The following JAKMIP2 variants were observed in gnomAD, a reference collection of about 807,000 sequenced individuals.
The protein encoded by JAKMIP2 is janus kinase and microtubule interacting protein 2.
JAKMIP2 carries 25 observed loss-of-function variants against 115.0 expected under a neutral mutation model. The observed-to-expected ratio is 0.22, with a 90% CI of 0.16 to 0.30. The LOEUF is 0.30. JAKMIP2 is among the 10% of genes least tolerant of loss of function. The pLI, the probability that JAKMIP2 is intolerant of heterozygous loss-of-function variation, is 1.00. For synonymous variants in JAKMIP2, 334 were observed against 343.6 expected, an observed-to-expected ratio of 0.97 and a Z score of 0.31; for missense variants, 642 against 957.6, an observed-to-expected ratio of 0.67 and a Z score of 4.35.
chr5:147,680,443 T>C (rs1184245525), intron 1 of JAKMIP2, among the ~76,000 whole-genome samples: 1 of 152,228 alleles, frequency 6.6e-6, no homozygotes, highest in East Asian at 1.9e-4. Flanking sequence ...AGGTTTCCAA[T>C]ATGGCTGTTG....
Position 147,640,686 on chromosome 5 carries a change from A to G in JAKMIP2, c.1401+18T>C, listed in dbSNP as rs1379263634. On this transcript the variant is annotated intron_variant, in intron 9 of 21. Coordinates refer to ENST00000616793, the MANE Select transcript of JAKMIP2 (RefSeq NM_001270941.2). The stretch of plus-strand genomic sequence containing the variant: ...TGGTGACAATATCACCCTAGGCTAG[A>G]GAAGTAGAAAAGCTTACTTCATCCA... The G allele has an allele frequency of 1.9e-6, 3 of 1,612,648 alleles. No individual in the cohort carries two copies. The highest frequency in any genetic ancestry group is 2.5e-6 in the Non-Finnish European group (3 of 1,179,270).
At chr5:147,747,855 A>G (rs1754401354) in intron 1 of JAKMIP2, among the ~76,000 whole-genome samples, 1 of 152,112 alleles carries the variant, frequency 6.6e-6, no homozygotes, top group Non-Finnish European at 1.5e-5. Flanking sequence ...ATCTTTGCAT[A>G]AGCTATCTAC....
chr5:147,642,455 G>A (rs944318792), intron 7 of JAKMIP2, among the ~76,000 whole-genome samples: 5 of 152,144 alleles, frequency 3.3e-5, no homozygotes, highest in African/African-American at 1.2e-4. Flanking sequence ...ATTTAAACTA[G>A]ATAGAATGTC....
intron 1 of JAKMIP2, among the ~76,000 whole-genome samples, chr5:147,700,955 C>A (rs1220440080): frequency 6.6e-6 from 1 of 152,004 alleles, no homozygotes; most frequent in Non-Finnish European, 1.5e-5. Flanking sequence ...TGAGCATATT[C>A]ATTTGGTTGG....
At chr5:147,716,606 C>A (rs1198576378) in intron 1 of JAKMIP2, among the ~76,000 whole-genome samples, 3 of 152,038 alleles carry the variant, frequency 2.0e-5, no homozygotes, top group Non-Finnish European at 4.4e-5. Flanking sequence ...CGATGATGAG[C>A]ATTTTTTCAT....
At chr5:147,601,027 C>G (rs1236477517) in intron 21 of JAKMIP2, among the ~76,000 whole-genome samples, 1 of 152,140 alleles carries the variant, frequency 6.6e-6, no homozygotes, top group Non-Finnish European at 1.5e-5. Context: ...TCAGAATTTT[C>G]AAGCTGAACG....
chr5:147,691,366 C>T (rs995455432), intron 1 of JAKMIP2, among the ~76,000 whole-genome samples: 3 of 152,170 alleles, frequency 2.0e-5, no homozygotes, highest in African/African-American at 7.2e-5. Context: ...CCACCCAGCT[C>T]CTTCTGTTAC....
At chr5:147,777,385 C>T (rs574144617) in intron 1 of JAKMIP2, among the ~76,000 whole-genome samples, 45 of 152,154 alleles carry the variant, frequency 3.0e-4, no homozygotes, top group Non-Finnish European at 5.6e-4. Context: ...TTTGTTGACA[C>T]GGATAGATGG....
intron 8 of JAKMIP2, 28 bp downstream of exon 8, chr5:147,641,680 A>G (rs1302117017): frequency 6.5e-7 from 1 of 1,548,784 alleles, no homozygotes; most frequent in Admixed American, 1.7e-5. Context: ...TTTGTGGCAA[A>G]TGCCTGATAA....
At chr5:147,727,062 C>T (rs1753548870) in intron 1 of JAKMIP2, among the ~76,000 whole-genome samples, 1 of 152,188 alleles carries the variant, frequency 6.6e-6, no homozygotes, top group Admixed American at 6.5e-5. Flanking sequence ...TCCTTTCTGG[C>T]TTAATATCTG....
intron 1 of JAKMIP2, among the ~76,000 whole-genome samples, chr5:147,704,459 C>T (rs1752490771): frequency 6.6e-6 from 1 of 152,060 alleles, no homozygotes; most frequent in Non-Finnish European, 1.5e-5. Flanking sequence ...ACAGAAACAT[C>T]ATTTTGTGGG....
chr5:147,688,354 A>T (rs1760670684), intron 1 of JAKMIP2, among the ~76,000 whole-genome samples: 1 of 152,174 alleles, frequency 6.6e-6, no homozygotes, highest in East Asian at 1.9e-4. Flanking sequence ...CAGGCAAGGG[A>T]GTGCTTTAAT....
At chr5:147,606,671 C>A (rs1295754520) in intron 20 of JAKMIP2, among the ~76,000 whole-genome samples, 1 of 152,022 alleles carries the variant, frequency 6.6e-6, no homozygotes, top group African/African-American at 2.4e-5. Context: ...ATGGGCTCAT[C>A]TTTGGTTCCA....
At chr5:147,720,731 A>G (rs1362029899) in intron 1 of JAKMIP2, among the ~76,000 whole-genome samples, 2 of 149,130 alleles carry the variant, frequency 1.3e-5, no homozygotes, top group Admixed American at 6.6e-5. Flanking sequence ...TGTATTGGTT[A>G]TTCTAGTTAT....
At chr5:147,765,862 T>C (rs770962461) in intron 1 of JAKMIP2, among the ~76,000 whole-genome samples, 1 of 152,180 alleles carries the variant, frequency 6.6e-6, no homozygotes, top group East Asian at 1.9e-4. Context: ...TACATTTTCA[T>C]TGAATATATT....
chr5:147,674,077 C>T (rs995246324), intron 1 of JAKMIP2, among the ~76,000 whole-genome samples: 2 of 152,162 alleles, frequency 1.3e-5, no homozygotes, highest in African/African-American at 4.8e-5. Context: ...ATCTGATTGG[C>T]ATCTCAAAAC....
At chr5:147,749,317 T>C (rs556155044) in intron 1 of JAKMIP2, among the ~76,000 whole-genome samples, 1 of 152,292 alleles carries the variant, frequency 6.6e-6, no homozygotes, top group African/African-American at 2.4e-5. Flanking sequence ...TGCATTATCC[T>C]ACTTGATTCT....
chr5:147,678,190 G>T (rs902080091), intron 1 of JAKMIP2, among the ~76,000 whole-genome samples: 1 of 152,116 alleles, frequency 6.6e-6, no homozygotes, highest in African/African-American at 2.4e-5. Flanking sequence ...TTTTAGTAAA[G>T]ATGGGGTTTC....
At chr5:147,722,446 C>T (rs1753351497) in intron 1 of JAKMIP2, among the ~76,000 whole-genome samples, 1 of 152,108 alleles carries the variant, frequency 6.6e-6, no homozygotes, top group South Asian at 2.1e-4. Context: ...GCAGCTTTTT[C>T]CTAAAAATTC....
Sources: allele counts gnomAD v4.1 joint callset (sites outside exome capture counted in the v4.1 genomes callset), GRCh38; gene constraint gnomAD v4.1.1; transcripts MANE v1.5; gene names NCBI Gene and HGNC (gene_info 2026-07-23, HGNC 2026-07-21).